The following CPNE4 variants were observed in gnomAD, a reference collection of about 807,000 sequenced individuals.
The protein encoded by CPNE4 is copine-4.
CPNE4 carries 25 observed loss-of-function variants against 67.9 expected under a neutral mutation model. The ratio of observed to expected loss-of-function variants is 0.37; its 90% CI spans 0.27 to 0.51. The LOEUF is 0.51. Ranked by LOEUF, CPNE4 falls within the 20% of genes least tolerant of loss-of-function variation. The probability of loss-of-function intolerance (pLI) is 0.93; values close to 1 mark genes in which losing one functional copy is unlikely to be tolerated. For synonymous variants in CPNE4, 242 were observed against 244.9 expected (o/e 0.99, Z 0.11); for missense variants, 464 against 690.8 (o/e 0.67, Z 3.68).
chr3:131,590,941 T>G (rs932894049), intron 7 of CPNE4, among the ~76,000 whole-genome samples: 6 of 152,170 alleles, frequency 3.9e-5, no homozygotes, highest in African/African-American at 1.4e-4. Context: ...AGGATGAAGT[T>G]CTACCTCATT....
chr3:131,861,206 C>T (rs2086663919), intron 2 of CPNE4, among the ~76,000 whole-genome samples: 1 of 152,220 alleles, frequency 6.6e-6, no homozygotes, highest in South Asian at 2.1e-4. Context: ...TGATTCAGCT[C>T]AACATAGGTT....
In CPNE4 at chr3:131,959,046, G is replaced by T. The variant is rs1203440207; in HGVS notation, c.-1-53602C>A. Among the ~76,000 whole-genome samples, 2 of 23,650 alleles carry T rather than the reference G, an allele frequency of 8.5e-5. 1 individual carries two copies. Among genetic ancestry groups the T allele is most frequent in the Non-Finnish European group, 1.4e-4 (2 of 14,640 alleles). 15.5% of individuals were successfully genotyped at this position (23,650 alleles called of 152,430 possible). A position where few individuals can be genotyped will look rare whatever the true frequency, so the allele number is the denominator to read the frequency against. On this transcript the variant is annotated intron_variant, in intron 1 of 15. Transcript: ENST00000429747. ...GACGGAGTCTCGCTCTGTCGCCCAG[G>T]CTGGAGTGCAGTGGCGGGATCTCGG...
At chr3:131,888,599 C>T (rs1006151601) in intron 2 of CPNE4, among the ~76,000 whole-genome samples, 4 of 152,134 alleles carry the variant, frequency 2.6e-5, no homozygotes, top group Non-Finnish European at 4.4e-5. Flanking sequence ...TGTTACTTCT[C>T]TTCTAAAACT....
At chr3:131,992,265 A>G (rs1188868004) in intron 1 of CPNE4, among the ~76,000 whole-genome samples, 1 of 136,730 alleles carries the variant, frequency 7.3e-6, no homozygotes, top group Non-Finnish European at 1.7e-5. Flanking sequence ...AGGGAGCTGT[A>G]CCCTGCAAAG....
chr3:131,946,952 AGAGTC>A (rs755330059), intron 1 of CPNE4, among the ~76,000 whole-genome samples: 20 of 152,120 alleles, frequency 1.3e-4, no homozygotes, highest in Non-Finnish European at 2.5e-4. Flanking sequence ...CATTTGTTGA[AGAGTC>A]TAGTCTTTCT....
At chr3:131,961,125 G>C (rs1295612999) in intron 1 of CPNE4, among the ~76,000 whole-genome samples, 1 of 152,156 alleles carries the variant, frequency 6.6e-6, no homozygotes, top group African/African-American at 2.4e-5. Context: ...TCTTCATCCA[G>C]GGCATTTTTC....
At position 131,834,117 on chromosome 3, in the gene CPNE4, A is replaced by G. The variant is rs561315237; in HGVS notation, c.180+71147T>C. Among the ~76,000 whole-genome samples the G allele has an allele frequency of 1.5e-4, 23 of 152,330 alleles. No homozygotes were observed. In the East Asian group the frequency reaches 4.2e-3, roughly 28 times the overall value. On this transcript the variant is annotated intron_variant, in intron 2 of 15. Transcript: ENST00000429747. ...TTTGAAAAGATGGCAATAAATATTTATATGTTTCTCATTTTTTTAAACACA... is the reference window on the plus strand; with the variant it reads ...TTTGAAAAGATGGCAATAAATATTTGTATGTTTCTCATTTTTTTAAACACA...
intron 2 of CPNE4, among the ~76,000 whole-genome samples, chr3:131,899,308 AG>A (rs1266262774): frequency 6.6e-6 from 1 of 152,114 alleles, no homozygotes; most frequent in Admixed American, 6.5e-5. Flanking sequence ...AATTATCACC[AG>A]CTCATTGTTG....
intron 1 of CPNE4, among the ~76,000 whole-genome samples, chr3:132,004,015 A>T (rs2073524022): frequency 6.6e-6 from 1 of 152,004 alleles, no homozygotes; most frequent in South Asian, 2.1e-4. Flanking sequence ...TTCATGATGG[A>T]AATGATGGTC....
chr3:131,848,820 A>G (rs1486307660), intron 2 of CPNE4, among the ~76,000 whole-genome samples: 1 of 151,950 alleles, frequency 6.6e-6, no homozygotes, highest in Non-Finnish European at 1.5e-5. Context: ...AATAAGATGC[A>G]GGTGTTCTGA....
intron 5 of CPNE4, among the ~76,000 whole-genome samples, chr3:131,688,095 G>T (rs2080939945): frequency 6.6e-6 from 1 of 152,206 alleles, no homozygotes; most frequent in Non-Finnish European, 1.5e-5. Context: ...ATTTTGAGCA[G>T]AAAAGTAATA....
intron 2 of CPNE4, among the ~76,000 whole-genome samples, chr3:131,812,968 C>A (rs1052386494): frequency 1.3e-5 from 2 of 152,094 alleles, no homozygotes; most frequent in Non-Finnish European, 2.9e-5. Context: ...GTTTTTAAAT[C>A]AATGAATAAG....
intron 7 of CPNE4, among the ~76,000 whole-genome samples, chr3:131,646,574 T>C (rs896683941): frequency 2.0e-5 from 3 of 152,130 alleles, no homozygotes; most frequent in Middle Eastern, 3.2e-3. Flanking sequence ...ACAGCAGACA[T>C]TCTAAAATAA....
chr3:131,900,530 T>G (rs569461573), intron 2 of CPNE4, among the ~76,000 whole-genome samples: 2 of 152,192 alleles, frequency 1.3e-5, no homozygotes, highest in East Asian at 3.9e-4. Context: ...CAAGATTTCA[T>G]GTAGTGTCCT....
rs114435583 is a variant in CPNE4, at chr3:131,743,023, G to A, written c.181-19398C>T. ...GATAAAGGTGTACATCAACAAAATC[G>A]AAGAGAAACAAAAATATTAGAAGTA... On this transcript the variant is annotated intron_variant, in intron 2 of 15. Coordinates refer to ENST00000429747, the MANE Select transcript of CPNE4 (RefSeq NM_130808.3). Among the ~76,000 whole-genome samples, 426 of 152,168 alleles carry A rather than the reference G, an allele frequency of 2.8e-3. 1 individual carries two copies. Among genetic ancestry groups the A allele is most frequent in the African/African-American group, 9.3e-3 (388 of 41,538 alleles).
intron 11 of CPNE4, among the ~76,000 whole-genome samples, chr3:131,558,124 G>A (rs1223579754): frequency 6.6e-6 from 1 of 151,908 alleles, no homozygotes; most frequent in African/African-American, 2.4e-5. Context: ...AGAGTAGGAA[G>A]GTAGGGAAAA....
intron 6 of CPNE4, among the ~76,000 whole-genome samples, chr3:131,676,015 T>C (rs889533061): frequency 1.4e-5 from 2 of 141,526 alleles, no homozygotes; most frequent in Admixed American, 1.5e-4. Context: ...GGCTTGCAAA[T>C]ATTATGTTAT....
intron 1 of CPNE4, among the ~76,000 whole-genome samples, chr3:131,960,142 A>AGGGAGGAGAGGGG (rs1324604460): frequency 6.6e-6 from 1 of 151,772 alleles, no homozygotes; most frequent in East Asian, 1.9e-4. Context: ...GAGGAGAGGG[A>AGGGAGGAGAGGGG]GGGAGATATT....
intron 1 of CPNE4, among the ~76,000 whole-genome samples, chr3:131,917,560 G>GCT (rs113280712): frequency 0.11 from 16,039 of 148,466 alleles, 891 homozygotes; most frequent in East Asian, 0.16. Context: ...ATATGTTCTT[G>GCT]CTCTCTCTCT....
Sources: gnomAD v4.1 joint callset for allele counts (sites outside exome capture counted in the v4.1 genomes callset) on GRCh38, gnomAD v4.1.1 for gene constraint, MANE v1.5 for transcripts, NCBI Gene and HGNC (gene_info 2026-07-23, HGNC 2026-07-21) for gene names.